Variants in NPLOC4 observed in about 807,000 individuals in gnomAD.
NPLOC4 encodes the protein nuclear protein localization protein 4 homolog.
Under a neutral mutation model 80.6 loss-of-function variants are expected in NPLOC4, and 18 were observed. The observed-to-expected ratio is 0.22, with a 90% CI of 0.15 to 0.33. The LOEUF (loss-of-function observed/expected upper bound fraction) is 0.33. Ranked by LOEUF, NPLOC4 falls within the 10% of genes least tolerant of loss-of-function variation. The probability of loss-of-function intolerance (pLI) is 1.00; values close to 1 mark genes in which losing one functional copy is unlikely to be tolerated. For missense variants in NPLOC4, 540 were observed against 786.1 expected, an observed-to-expected ratio of 0.69 and a Z score of 3.74; for synonymous variants, 313 against 301.5, an observed-to-expected ratio of 1.04 and a Z score of -0.39.
chr17:81,613,570 C>T (rs934153038), intron 3 of NPLOC4, 76 bp from the exon 4 acceptor site: 5 of 1,434,778 alleles, frequency 3.5e-6, no homozygotes, highest in East Asian at 2.5e-5. Flanking sequence ...TGGATATCTG[C>T]AAAAAGCAAA....
rs374586287 is a variant in NPLOC4, at chr17:81,596,280, T to C, written c.994-38A>G. ...AAGCAGCCTATCAAATTTTACAGCA[T>C]CATGCCAAAATATACTTCTATTTCT... is the stretch of plus-strand genomic sequence containing the variant. On this transcript the variant is annotated intron_variant, in intron 10 of 16. Transcript: ENST00000331134. 127 of 1,588,194 alleles carry C rather than the reference T, an allele frequency of 8.0e-5. No individual in the cohort carries two copies. In the East Asian group the frequency reaches 1.4e-3, roughly 18 times the overall value.
At chr17:81,590,143 T>A (rs2034699650) in intron 11 of NPLOC4, among the ~76,000 whole-genome samples, 1 of 152,222 alleles carries the variant, frequency 6.6e-6, no homozygotes, top group East Asian at 1.9e-4. Flanking sequence ...CACACAGAGT[T>A]AATGCCACCA....
intron 1 of NPLOC4, among the ~76,000 whole-genome samples, chr17:81,632,995 T>C (rs565916194): frequency 4.9e-4 from 74 of 151,596 alleles, no homozygotes; most frequent in Admixed American, 5.9e-4. Flanking sequence ...CCAGGCGTGG[T>C]GGAGGGCGCC....
Position 81,572,399 on chromosome 17 carries a change from G to A in NPLOC4, c.1282-311C>T, listed in dbSNP as rs1037170182. On this transcript the variant is annotated intron_variant, in intron 12 of 16. Transcript: ENST00000331134. The surrounding 1 kb of genome is among the most constrained non-coding windows in gnomAD (Gnocchi z 4.5). The stretch of plus-strand genomic sequence containing the variant: ...GTAGAGACAGGGTTTCACTGTGTTT[G>A]CCAGGATGGTCTCGATCTCCTGACC... Among the ~76,000 whole-genome samples the A allele has an allele frequency of 6.6e-6, 1 of 151,948 alleles. No homozygotes were observed. Among genetic ancestry groups the A allele is most frequent in the Non-Finnish European group, 1.5e-5 (1 of 68,006 alleles).
At chr17:81,570,676 AC>A (rs1464475427) in intron 13 of NPLOC4, among the ~76,000 whole-genome samples, 1 of 151,836 alleles carries the variant, frequency 6.6e-6, no homozygotes, top group African/African-American at 2.4e-5. Context: ...CCACAAAGAA[AC>A]CCCAGTAACA....
At chr17:81,607,218 G>C (rs2035224911) in intron 6 of NPLOC4, among the ~76,000 whole-genome samples, 2 of 152,248 alleles carry the variant, frequency 1.3e-5, no homozygotes, top group South Asian at 2.1e-4. Flanking sequence ...CCAGTACTTA[G>C]ATATTTGTAA....
At chr17:81,599,988 C>A (rs960718442) in intron 9 of NPLOC4, among the ~76,000 whole-genome samples, 2 of 152,162 alleles carry the variant, frequency 1.3e-5, no homozygotes, top group Admixed American at 6.5e-5. Context: ...AAGGGACACA[C>A]ATGCACAGAG....
rs1483487648 is a variant in NPLOC4, at chr17:81,567,529, A to C, written c.1454T>G (p.Phe485Cys). 6.3e-7 allele frequency: 1 copy of C among 1,591,050 alleles called. No homozygotes were observed. The highest frequency in any genetic ancestry group is 8.6e-7 in the Non-Finnish European group (1 of 1,159,974). ...NRDVLGETQDFHSLATYLSQN... is the reference protein window; with the variant it reads ...NRDVLGETQDCHSLATYLSQN... ...AGACAAATAGGTGGCCAAGCTATGGAAGTCCTAGAGGAATGGGAATAAACA... is the reference window on the plus strand; with the variant it reads ...AGACAAATAGGTGGCCAAGCTATGGCAGTCCTAGAGGAATGGGAATAAACA... The change falls in exon 15 of 17, where the codon TTC (phenylalanine) becomes TGC (cysteine). Residue 485 changes from phenylalanine to cysteine, a missense_variant. Phe to Cys is a radical substitution (Grantham distance 205, BLOSUM62 -2). Coordinates refer to ENST00000331134, the MANE Select transcript of NPLOC4 (RefSeq NM_017921.4). The surrounding 1 kb of genome is among the most constrained non-coding windows in gnomAD (Gnocchi z 4.5).
In NPLOC4 at chr17:81,583,637, G is replaced by A. The variant is rs531116746; in HGVS notation, c.1281+5307C>T. 2.3e-3 allele frequency among the ~76,000 whole-genome samples: 343 copies of A among 152,258 alleles called. 5 individuals carry two copies. The highest frequency in any genetic ancestry group is 8.0e-3 in the African/African-American group (331 of 41,540). On this transcript the variant is annotated intron_variant, in intron 12 of 16. Coordinates refer to ENST00000331134, the MANE Select transcript of NPLOC4 (RefSeq NM_017921.4). ...CATATGCTTTCCTAAAAAACTACAC[G>A]TGAACGATGACACAAATGTGCCTTC...
chr17:81,591,464 A>C (rs1380263572), intron 11 of NPLOC4, among the ~76,000 whole-genome samples: 1 of 150,372 alleles, frequency 6.7e-6, no homozygotes, highest in South Asian at 2.1e-4. Flanking sequence ...AAAAAAAAAA[A>C]AAAAAAAACC....
intron 16 of NPLOC4, chr17:81,563,973 C>T (rs138298541): frequency 2.2e-6 from 1 of 452,572 alleles, no homozygotes; most frequent in East Asian, 7.1e-5. Flanking sequence ...CCCAGCTACT[C>T]GGGAGGCTGA....
At chr17:81,571,025 T>G (rs1025002854) in intron 13 of NPLOC4, among the ~76,000 whole-genome samples, 2 of 152,170 alleles carry the variant, frequency 1.3e-5, no homozygotes, top group African/African-American at 4.8e-5. Context: ...CCTGGGTGCA[T>G]GCTCCATCAA....
intron 12 of NPLOC4, among the ~76,000 whole-genome samples, chr17:81,576,611 T>C (rs1302858273): frequency 6.6e-6 from 1 of 152,126 alleles, no homozygotes; most frequent in Non-Finnish European, 1.5e-5. Flanking sequence ...CAGAAAATAT[T>C]TCAGCTTCTT....
rs1328904845 is a variant in NPLOC4 at position 81,589,014 on chromosome 17, T to A, written c.1211A>T (p.Lys404Met). 3 of 1,613,886 alleles carry A rather than the reference T, an allele frequency of 1.9e-6. No homozygotes were observed. In the Admixed American group the frequency reaches 5.0e-5, roughly 27 times the overall value. The change falls in exon 12 of 17, where the codon AAG (lysine) becomes ATG (methionine). Residue 404 changes from lysine to methionine, a missense_variant. Lys to Met is a moderately conservative substitution (Grantham distance 95). Transcript: ENST00000331134. The stretch of plus-strand genomic sequence containing the variant: ...GGCGTAGCCAAGCTCCGGGGCGTCC[T>A]TGCATGGCAGCAAACACTCATCACG... ...LVRDECLLPC[K>M]DAPELGYAKE...
intron 4 of NPLOC4, 74 bp from the exon 5 acceptor site, chr17:81,610,332 AC>A: frequency 7.4e-7 from 1 of 1,357,052 alleles, no homozygotes; most frequent in Non-Finnish European, 1.0e-6. Context: ...TCTCACATGC[AC>A]GTCCTACTTT....
rs1429427865 is a variant in NPLOC4 at position 81,593,094 on chromosome 17, G to A, written c.1120+3022C>T. On this transcript the variant is annotated intron_variant, in intron 11 of 16. Transcript: ENST00000331134. ...TTCCATATCCCACAAGACTCTGAAT[G>A]CCCGCTACACACTTGTGTAGGCAAA... is the stretch of plus-strand genomic sequence containing the variant. Among the ~76,000 whole-genome samples the A allele has an allele frequency of 5.9e-5, 9 of 152,194 alleles. No homozygotes were observed. The East Asian group carries it at 1.7e-3, about 29-fold the overall frequency.
chr17:81,611,106 G>A (rs1384883813), intron 4 of NPLOC4, among the ~76,000 whole-genome samples: 1 of 152,038 alleles, frequency 6.6e-6, no homozygotes, highest in Non-Finnish European at 1.5e-5. Context: ...GATCACCTGA[G>A]GTCAGGAGTT....
chr17:81,574,101 T>C (rs2034229954), intron 12 of NPLOC4, among the ~76,000 whole-genome samples: 2 of 152,168 alleles, frequency 1.3e-5, no homozygotes, highest in Admixed American at 6.5e-5. Flanking sequence ...TCAAACTAAA[T>C]CACCATTTCC....
intron 2 of NPLOC4, among the ~76,000 whole-genome samples, chr17:81,627,988 A>G (rs896448544): frequency 1.3e-5 from 2 of 152,020 alleles, no homozygotes; most frequent in Non-Finnish European, 2.9e-5. Flanking sequence ...CAAGGCGGGC[A>G]GATCACGAGG....
Sources: allele counts gnomAD v4.1 joint callset (sites outside exome capture counted in the v4.1 genomes callset), GRCh38; gene constraint gnomAD v4.1.1; non-coding constraint Gnocchi (gnomAD v3.1); transcripts MANE v1.5; gene names NCBI Gene and HGNC (gene_info 2026-07-23, HGNC 2026-07-21).